The following CSPG4 variants were observed in gnomAD, a reference collection of about 807,000 sequenced individuals.
CSPG4 encodes chondroitin sulfate proteoglycan 4.
A neutral mutation model predicts 139.3 loss-of-function variants in CSPG4; 74 were observed. The ratio of observed to expected loss-of-function variants is 0.53; its 90% CI spans 0.44 to 0.64. CSPG4 has a LOEUF of 0.64. CSPG4 is among the 30% of genes least tolerant of loss of function. The probability of loss-of-function intolerance (pLI) is 0.00; values close to 1 mark genes in which losing one functional copy is unlikely to be tolerated. For synonymous variants in CSPG4, 1,234 were observed against 1,394.2 expected (o/e 0.89, Z 2.56); for missense variants, 2,565 against 3,148.3 (o/e 0.81, Z 4.43).
chr15:75,677,616 G>C, intron 9 of CSPG4, 87 bp downstream of exon 9: 1 of 1,429,064 alleles, frequency 7.0e-7, no homozygotes, highest in Non-Finnish European at 9.4e-7. Context: ...TGAGACAGGA[G>C]CTGCTGACCC....
chr15:75,688,166 G>A lies in CSPG4; in HGVS notation c.2899C>T (p.Arg967Cys), dbSNP rs767463647. 37 of 1,612,820 alleles carry A rather than the reference G, an allele frequency of 2.3e-5. No individual in the cohort carries two copies. The highest frequency in any genetic ancestry group is 4.5e-5 in the East Asian group (2 of 44,888). The change falls in exon 3 of 10, where the codon CGT becomes TGT. Residue 967 changes from arginine to cysteine, a missense_variant. Around this residue, in one of 5 missense-constraint regions of CSPG4, gnomAD observed 2,316 missense variants for 2,818.2 expected, o/e 0.82. Coordinates refer to ENST00000308508, the MANE Select transcript of CSPG4 (RefSeq NM_001897.5). ...TCATGCTGGTAGACCAGCCGGCCACGCAACAGGTCTTCATTGGTGAAGGAT... is the reference window on the plus strand; with the variant it reads ...TCATGCTGGTAGACCAGCCGGCCACACAACAGGTCTTCATTGGTGAAGGAT... Reference protein sequence around the residue: ...VTSFTNEDLLRGRLVYQHDDS... With the variant: ...VTSFTNEDLLCGRLVYQHDDS...
intron 8 of CSPG4, chr15:75,680,685 C>T (rs1476161742): frequency 6.5e-6 from 1 of 153,640 alleles, no homozygotes; most frequent in Non-Finnish European, 1.5e-5. Flanking sequence ...TGAAGGAAAT[C>T]CTGGACTCGC....
Position 75,688,846 on chromosome 15 carries a change from C to T in CSPG4, c.2219G>A (p.Arg740His), listed in dbSNP as rs757073665. 35 of 1,612,430 alleles carry T rather than the reference C, an allele frequency of 2.2e-5. No homozygotes were observed. The highest frequency in any genetic ancestry group is 4.0e-5 in the African/African-American group (3 of 74,910). The change falls in exon 3 of 10, where the codon CGC (arginine) becomes CAC (histidine). Residue 740 changes from arginine (R) to histidine (H), a missense_variant. By Grantham distance (29) the Arg-to-His change is conservative. Coordinates refer to ENST00000308508, the MANE Select transcript of CSPG4 (RefSeq NM_001897.5). ...TGGGTCAGTGCTCAGGTACCTCACG[C>T]GGCCCTGCTCCACATCCCGCTGGTG... ...AFHQRDVEQGRVRYLSTDPQH... is the reference protein window; with the variant it reads ...AFHQRDVEQGHVRYLSTDPQH...
At chr15:75,691,926 C>T (rs913498436) in intron 2 of CSPG4, among the ~76,000 whole-genome samples, 1 of 152,144 alleles carries the variant, frequency 6.6e-6, no homozygotes, top group Non-Finnish European at 1.5e-5. Context: ...GTGAAAGCAG[C>T]AGACTGACCA....
At position 75,712,796 on chromosome 15, in the gene CSPG4, A is replaced by G. The variant is rs1405142308; in HGVS notation, c.-41T>C. The G allele has an allele frequency of 2.7e-6, 4 of 1,498,534 alleles. No homozygotes were observed. In the Admixed American group the frequency reaches 6.3e-5, roughly 23 times the overall value. The allele number at this position is 1,498,534 out of a possible 1,614,324, so 92.8% of individuals were successfully genotyped here. ...GGCAGGACTTGCGAGGAGCCAGCGG[A>G]GTCCTGGGAGCTGGGAGCTGAGTGG... On this transcript the variant is annotated 5_prime_UTR_variant, in exon 1 of 10. Transcript: ENST00000308508.
At position 75,689,121 on chromosome 15, in the gene CSPG4, G is replaced by A. The variant is rs1209757245; in HGVS notation, c.1944C>T (p.Ala648=). Residue 648 remains alanine, a synonymous_variant, in exon 3 of 10, where the codon GCC becomes GCT. Transcript: ENST00000308508. Reference sequence around the variant, plus strand: ...CCACCTTCAGCGTGGCCGGGGGGCTGGCCTGCAGTCCATCGCTGACCCGGA... The same window carrying A: ...CCACCTTCAGCGTGGCCGGGGGGCTAGCCTGCAGTCCATCGCTGACCCGGA... The part of the protein sequence containing the change: ...LTFRVSDGLQ[A]SPPATLKVVA... 2 of 1,601,920 alleles carry A rather than the reference G, an allele frequency of 1.2e-6. No homozygotes were observed. Among genetic ancestry groups the A allele is most frequent in the Admixed American group, 1.7e-5 (1 of 59,632 alleles).
intron 1 of CSPG4, among the ~76,000 whole-genome samples, chr15:75,709,523 C>T (rs1894417529): frequency 1.3e-5 from 2 of 152,190 alleles, no homozygotes; most frequent in Non-Finnish European, 2.9e-5. Context: ...TGCCACTGGC[C>T]CAGATCTTTA....
chr15:75,678,748 C>G (rs1893927787), intron 8 of CSPG4: 1 of 456,330 alleles, frequency 2.2e-6, no homozygotes, highest in Non-Finnish European at 4.4e-6. Context: ...ATAGTCCACG[C>G]TCTCCCCCAG....
chr15:75,697,588 G>A (rs1402619551), intron 1 of CSPG4, among the ~76,000 whole-genome samples: 2 of 152,196 alleles, frequency 1.3e-5, no homozygotes, highest in African/African-American at 4.8e-5. Context: ...GGATCCCTGT[G>A]TGCCCCACTC....
In CSPG4 at chr15:75,687,644, C is replaced by G. The variant is rs768222524; in HGVS notation, c.3421G>C (p.Gly1141Arg). The G allele has an allele frequency of 1.2e-6, 2 of 1,612,640 alleles. No individual in the cohort carries two copies. The highest frequency in any genetic ancestry group is 1.3e-5 in the African/African-American group (1 of 74,926). Residue 1141 changes from glycine (G) to arginine (R), a missense_variant, in exon 3 of 10, where the codon GGC becomes CGC. Gly to Arg is a moderately radical substitution (Grantham distance 125). This residue lies in a region of CSPG4 where 2,316 missense variants were observed against 2,818.2 expected (regional missense o/e 0.82). Coordinates refer to ENST00000308508, the MANE Select transcript of CSPG4 (RefSeq NM_001897.5). The surrounding 1 kb of genome is among the most constrained non-coding windows in gnomAD (Gnocchi z 5.4). Reference protein sequence around the residue: ...NGSSLVVPQGGQGTIDTAVLH... With the variant: ...NGSSLVVPQGRQGTIDTAVLH... Reference sequence around the variant, plus strand: ...ACGGCCGTGTCGATGGTGCCCTGGCCTCCTTGAGGGACCACAAGGCTGGAG... The same window carrying G: ...ACGGCCGTGTCGATGGTGCCCTGGCGTCCTTGAGGGACCACAAGGCTGGAG...
chr15:75,679,966 G>C (rs1050762207), intron 8 of CSPG4: 8 of 152,248 alleles, frequency 5.3e-5, no homozygotes, highest in African/African-American at 1.9e-4. Flanking sequence ...TTACAGCTGT[G>C]AGCCACCGCG....
rs777208654 is a variant in CSPG4, at chr15:75,689,316, C to T, written c.1749G>A (p.Pro583=). ...AGGTGAGGCCCTCACAGGCAGAGTC[C>T]GGGTCATAGGCCTGGAAAACCTCAG... ...LGPEVFQAYD[P]DSACEGLTFQ... is the part of the protein sequence containing the mutation. The change falls in exon 3 of 10, where the codon CCG becomes CCA. Residue 583 remains proline, a synonymous_variant. Transcript: ENST00000308508. The T allele has an allele frequency of 1.4e-5, 22 of 1,610,936 alleles. No individual in the cohort carries two copies. Among genetic ancestry groups the T allele is most frequent in the African/African-American group, 1.2e-4 (9 of 74,872 alleles).
chr15:75,701,338 G>T (rs773218183), intron 1 of CSPG4, among the ~76,000 whole-genome samples: 5 of 152,198 alleles, frequency 3.3e-5, no homozygotes, highest in Non-Finnish European at 5.9e-5. Flanking sequence ...CCGTGTGAGG[G>T]TTTTTCTATC....
chr15:75,713,244 C>T (rs1894475292), upstream of CSPG4, among the ~76,000 whole-genome samples: 1 of 152,204 alleles, frequency 6.6e-6, no homozygotes, highest in Admixed American at 6.5e-5. Context: ...ACCAGCCACC[C>T]TCACAGGCGG....
chr15:75,707,652 C>T (rs1460642460), intron 1 of CSPG4, among the ~76,000 whole-genome samples: 2 of 152,226 alleles, frequency 1.3e-5, no homozygotes, highest in Non-Finnish European at 2.9e-5. Flanking sequence ...TCCAAGGGCC[C>T]TTAGTACCAA....
chr15:75,679,767 C>T (rs1170014693), intron 8 of CSPG4: 5 of 152,250 alleles, frequency 3.3e-5, no homozygotes, highest in Non-Finnish European at 7.3e-5. Context: ...GCAACCTCCA[C>T]CTCCACCTCC....
At chr15:75,713,242 C>A (rs558884628), upstream of CSPG4, among the ~76,000 whole-genome samples, 3 of 152,318 alleles carry the variant, frequency 2.0e-5, no homozygotes, top group South Asian at 4.1e-4. Context: ...ACACCAGCCA[C>A]CCTCACAGGC....
intron 8 of CSPG4, chr15:75,678,697 C>A (rs1419577868): frequency 8.8e-6 from 4 of 456,152 alleles, no homozygotes; most frequent in Non-Finnish European, 1.8e-5. Context: ...CAGCTTCACC[C>A]CTGCCCCTTT....
At chr15:75,712,861 G>A, upstream of CSPG4, 2 of 954,546 alleles carry the variant, frequency 2.1e-6, no homozygotes, top group Non-Finnish European at 2.9e-6. Flanking sequence ...GCCGGCTCCG[G>A]GTGTCCGCGC....
Sources: gnomAD v4.1 joint callset for allele counts (sites outside exome capture counted in the v4.1 genomes callset) on GRCh38, gnomAD v4.1.1 for gene constraint, gnomAD v4.1.1 regional missense constraint, Gnocchi (gnomAD v3.1) non-coding constraint, MANE v1.5 for transcripts, NCBI Gene and HGNC (gene_info 2026-07-23, HGNC 2026-07-21) for gene names.